ZNF407: variants seen among roughly 807,000 people sequenced by gnomAD.
ZNF407 encodes zinc finger protein 407.
Under a neutral mutation model 131.2 loss-of-function variants are expected in ZNF407, and 17 were observed. The ratio of observed to expected loss-of-function variants is 0.13; its 90% CI spans 0.09 to 0.19. The LOEUF (loss-of-function observed/expected upper bound fraction) is 0.19, where lower values mean the gene tolerates loss of function less well. Ranked by LOEUF, ZNF407 falls within the 10% of genes least tolerant of loss-of-function variation. ZNF407 has a pLI of 1.00. For synonymous variants in ZNF407, 1,156 were observed against 1,062.0 expected (o/e 1.09, Z -1.72); for missense variants, 2,681 against 2,830.6 (o/e 0.95, Z 1.20).
intron 4 of ZNF407, among the ~76,000 whole-genome samples, chr18:74,825,219 A>T (rs748798198): frequency 1.1e-4 from 16 of 152,140 alleles, no homozygotes; most frequent in Non-Finnish European, 1.9e-4. Context: ...TTTATGACAA[A>T]CCAACAGCCA....
intron 6 of ZNF407, among the ~76,000 whole-genome samples, chr18:74,889,605 TG>T (rs1971357609): frequency 6.6e-6 from 1 of 152,216 alleles, no homozygotes. Flanking sequence ...TGATGTAACA[TG>T]GTTTATTAAA....
At chr18:74,611,882 A>G (rs1296799142) in intron 1 of ZNF407, among the ~76,000 whole-genome samples, 1 of 152,142 alleles carries the variant, frequency 6.6e-6, no homozygotes, top group Non-Finnish European at 1.5e-5. Context: ...GTGATGCTAA[A>G]ATATGAAAGG....
chr18:74,622,644 C>T (rs1190134443), intron 1 of ZNF407, among the ~76,000 whole-genome samples: 2 of 152,122 alleles, frequency 1.3e-5, no homozygotes, highest in African/African-American at 4.8e-5. Context: ...GCCTGCATGA[C>T]GAATTTGGGT....
intron 7 of ZNF407, among the ~76,000 whole-genome samples, chr18:74,916,409 G>A (rs1971763740): frequency 1.5e-5 from 2 of 137,534 alleles, no homozygotes; most frequent in South Asian, 2.3e-4. Context: ...GGTTCGAATC[G>A]GGAGTGTGTG....
intron 8 of ZNF407, among the ~76,000 whole-genome samples, chr18:74,949,656 C>A (rs1317914492): frequency 6.6e-6 from 1 of 152,160 alleles, no homozygotes; most frequent in Non-Finnish European, 1.5e-5. Context: ...GTTAAGAAGA[C>A]CTGATATAGA....
At chr18:74,829,841 T>C (rs1411035506) in intron 4 of ZNF407, among the ~76,000 whole-genome samples, 1 of 152,166 alleles carries the variant, frequency 6.6e-6, no homozygotes, top group East Asian at 1.9e-4. Context: ...CAAAATTTTT[T>C]AATTTAAAAA....
chr18:74,699,140 A>G (rs1967432198), intron 3 of ZNF407, among the ~76,000 whole-genome samples: 1 of 151,996 alleles, frequency 6.6e-6, no homozygotes, highest in Admixed American at 6.6e-5. Flanking sequence ...CACTGCTCAC[A>G]TTTCAAATAT....
intron 3 of ZNF407, among the ~76,000 whole-genome samples, chr18:74,759,708 CT>C (rs957933081): frequency 1.5e-4 from 22 of 150,504 alleles, no homozygotes; most frequent in South Asian, 2.1e-4. Context: ...ATATATGCTT[CT>C]TTTTTTTCAT....
chr18:74,753,892 T>C (rs909483214), intron 3 of ZNF407, among the ~76,000 whole-genome samples: 9 of 152,158 alleles, frequency 5.9e-5, no homozygotes, highest in African/African-American at 1.9e-4. Flanking sequence ...GGGAGGATTC[T>C]CTCTTTTTCT....
At chr18:74,831,477 A>G (rs1486154377) in intron 4 of ZNF407, among the ~76,000 whole-genome samples, 1 of 152,094 alleles carries the variant, frequency 6.6e-6, no homozygotes, top group Non-Finnish European at 1.5e-5. Flanking sequence ...TATGATTTTG[A>G]CAATTGTAGG....
At chr18:75,013,905 A>G (rs1038029766) in intron 8 of ZNF407, among the ~76,000 whole-genome samples, 1 of 152,142 alleles carries the variant, frequency 6.6e-6, no homozygotes, top group Non-Finnish European at 1.5e-5. Flanking sequence ...ACCTCAGTGT[A>G]TGCAGTACTG....
At chr18:74,775,617 G>A (rs1402661921) in intron 3 of ZNF407, among the ~76,000 whole-genome samples, 4 of 152,152 alleles carry the variant, frequency 2.6e-5, no homozygotes, top group African/African-American at 9.7e-5. Flanking sequence ...ACCATGCTCT[G>A]AATGCTTGTG....
chr18:74,747,491 T>C (rs80172651), intron 3 of ZNF407, among the ~76,000 whole-genome samples: 2 of 152,052 alleles, frequency 1.3e-5, no homozygotes, highest in African/African-American at 4.8e-5. Flanking sequence ...TTTTTTTTTT[T>C]AAGACAAGAT....
chr18:74,623,420 C>T lies in ZNF407; in HGVS notation c.-53-7547C>T, dbSNP rs79353458. Among the ~76,000 whole-genome samples, 885 of 151,898 alleles carry T rather than the reference C, an allele frequency of 5.8e-3. 9 individuals are homozygous for T. Among genetic ancestry groups the T allele is most frequent in the African/African-American group, 0.02 (841 of 41,390 alleles). On this transcript the variant is annotated intron_variant, in intron 1 of 8. Coordinates refer to ENST00000299687, the MANE Select transcript of ZNF407 (RefSeq NM_017757.3). Reference sequence around the variant, plus strand: ...GCAGAGCGAGAGCTGCAGCTCGCTTCGTAGATACTCTTTAGGAGGGAGAAA... The same window carrying T: ...GCAGAGCGAGAGCTGCAGCTCGCTTTGTAGATACTCTTTAGGAGGGAGAAA...
intron 1 of ZNF407, among the ~76,000 whole-genome samples, chr18:74,628,527 T>C (rs1000932569): frequency 2.6e-5 from 4 of 152,208 alleles, no homozygotes; most frequent in Non-Finnish European, 4.4e-5. Flanking sequence ...CTTGGCATAA[T>C]GTTTCTAAGG....
At chr18:74,969,469 G>T (rs978383252) in intron 8 of ZNF407, among the ~76,000 whole-genome samples, 6 of 152,204 alleles carry the variant, frequency 3.9e-5, no homozygotes, top group Admixed American at 2.6e-4. Context: ...GGTTCCAGTG[G>T]TGGTTTAATT....
At chr18:75,007,972 C>T (rs1316527136) in intron 8 of ZNF407, among the ~76,000 whole-genome samples, 1 of 152,130 alleles carries the variant, frequency 6.6e-6, no homozygotes, top group Non-Finnish European at 1.5e-5. Flanking sequence ...ATGGTTTTCT[C>T]GGCCAAAGGA....
At chr18:74,675,233 CT>C (rs759124219) in intron 3 of ZNF407, among the ~76,000 whole-genome samples, 16 of 152,132 alleles carry the variant, frequency 1.1e-4, no homozygotes, top group Non-Finnish European at 2.2e-4. Flanking sequence ...GTTCAGTTGC[CT>C]TTTCTTGACC....
At chr18:74,814,845 T>C (rs1970245697) in intron 4 of ZNF407, among the ~76,000 whole-genome samples, 1 of 152,100 alleles carries the variant, frequency 6.6e-6, no homozygotes, top group Non-Finnish European at 1.5e-5. Context: ...TTTCTTGGCT[T>C]TTTTCATTTA....
Sources: allele counts gnomAD v4.1 joint callset (sites outside exome capture counted in the v4.1 genomes callset), GRCh38; gene constraint gnomAD v4.1.1; transcripts MANE v1.5; gene names NCBI Gene and HGNC (gene_info 2026-07-23, HGNC 2026-07-21).